Variants in RASA1 observed in about 807,000 individuals in gnomAD.
RASA1 encodes RAS p21 protein activator 1.
Under a neutral mutation model 132.2 loss-of-function variants are expected in RASA1, and 25 were observed. The observed-to-expected ratio is 0.19, with a 90% CI of 0.14 to 0.26. The LOEUF (loss-of-function observed/expected upper bound fraction) is 0.26. RASA1 is among the 10% of genes least tolerant of loss of function. The pLI, the probability that RASA1 is intolerant of heterozygous loss-of-function variation, is 1.00. For missense variants in RASA1, 964 were observed against 1,299.2 expected (o/e 0.74, Z 3.97); for synonymous variants, 477 against 449.9 (o/e 1.06, Z -0.76).
At position 87,329,864 on chromosome 5, in the gene RASA1, G is replaced by T. The variant is rs188097265; in HGVS notation, c.540-1484G>T. Among the ~76,000 whole-genome samples, 419 of 152,134 alleles carry T rather than the reference G, an allele frequency of 2.8e-3. 4 individuals are homozygous for T. The highest frequency in any genetic ancestry group is 4.6e-3 in the Non-Finnish European group (315 of 67,982). On this transcript the variant is annotated intron_variant, in intron 1 of 24. Transcript: ENST00000274376. ...AAATTTCAAAATTTTATTCTCTTAT[G>T]TCGTTAAATTATAGTTCCTTAGGGT...
At position 87,389,741 on chromosome 5, in the gene RASA1, A is replaced by C. The variant is rs72783711; in HGVS notation, c.3060+214A>C. Among the ~76,000 whole-genome samples, 24,460 of 152,240 alleles carry C rather than the reference A, an allele frequency of 0.16. 2,436 individuals carry two copies. The highest frequency in any genetic ancestry group is 0.41 in the East Asian group (2,118 of 5,172). On this transcript the variant is annotated intron_variant, in intron 24 of 24. Transcript: ENST00000274376. The stretch of plus-strand genomic sequence containing the variant: ...TGAAAAACATCAGGTTTTGCTCTTG[A>C]GTCTGAATGTTAATTCTACTGGAAA...
chr5:87,306,298 C>G (rs1435970775), intron 1 of RASA1, among the ~76,000 whole-genome samples: 1 of 152,108 alleles, frequency 6.6e-6, no homozygotes, highest in Non-Finnish European at 1.5e-5. Context: ...TTAAAAAGAA[C>G]AAGATTATGT....
At chr5:87,347,783 A>G (rs1054394019) in intron 7 of RASA1, among the ~76,000 whole-genome samples, 2 of 152,054 alleles carry the variant, frequency 1.3e-5, no homozygotes, top group Non-Finnish European at 1.5e-5. Flanking sequence ...CTAAAATGAC[A>G]TTCTGTCAGC....
chr5:87,285,618 CTTTTTT>C (rs548410947), intron 1 of RASA1, among the ~76,000 whole-genome samples: 1 of 126,074 alleles, frequency 7.9e-6, no homozygotes, highest in African/African-American at 2.9e-5. Flanking sequence ...TTTTCTTTTT[CTTTTTT>C]TTTTTTTTTT....
At chr5:87,276,971 A>C (rs1410196208) in intron 1 of RASA1, among the ~76,000 whole-genome samples, 3 of 152,188 alleles carry the variant, frequency 2.0e-5, no homozygotes, top group Non-Finnish European at 4.4e-5. Context: ...ATACTGTTTC[A>C]CATATATTTA....
At chr5:87,373,247 T>TCAAAAATATTC (rs1761076458) in intron 13 of RASA1, among the ~76,000 whole-genome samples, 1 of 146,874 alleles carries the variant, frequency 6.8e-6, no homozygotes, top group African/African-American at 2.7e-5. Flanking sequence ...CAACCATGGG[T>TCAAAAATATTC]CGAAAAAATA....
In RASA1 at chr5:87,383,797, A is replaced by G; in HGVS notation, c.2758+17A>G. The stretch of plus-strand genomic sequence containing the variant: ...TCATCTCAGGTAATCAGCTTTTGAT[A>G]CATTTTGAAATTCAAAATATTAGAA... On this transcript the variant is annotated intron_variant, in intron 21 of 24. Coordinates refer to ENST00000274376, the MANE Select transcript of RASA1 (RefSeq NM_002890.3). 6.3e-7 allele frequency: 1 copy of G among 1,590,126 alleles called. No homozygotes were observed. The highest frequency in any genetic ancestry group is 8.6e-7 in the Non-Finnish European group (1 of 1,159,666).
chr5:87,337,765 T>C (rs1316760683), intron 4 of RASA1, among the ~76,000 whole-genome samples: 2 of 152,058 alleles, frequency 1.3e-5, no homozygotes, highest in Non-Finnish European at 2.9e-5. Flanking sequence ...ATTTTACTCA[T>C]GAGGTAATTA....
At chr5:87,384,531 T>C (rs1029287113) in intron 21 of RASA1, among the ~76,000 whole-genome samples, 2 of 152,182 alleles carry the variant, frequency 1.3e-5, no homozygotes, top group African/African-American at 4.8e-5. Flanking sequence ...AATTATCTTT[T>C]ATTGCTACTA....
rs1478425280 is a variant in RASA1 at position 87,374,136 on chromosome 5, T to C, written c.1777-27T>C. On this transcript the variant is annotated intron_variant, in intron 13 of 24. Coordinates refer to ENST00000274376, the MANE Select transcript of RASA1 (RefSeq NM_002890.3). ...GCAATTCTAGAAATCTGGGGTAATA[T>C]ATATATATATATTTTTTTTTTTTTA... is the stretch of plus-strand genomic sequence containing the variant. 15 of 1,344,714 alleles carry C rather than the reference T, an allele frequency of 1.1e-5. 1 individual carries two copies. Among genetic ancestry groups the C allele is most frequent in the Non-Finnish European group, 1.5e-5 (15 of 1,033,630 alleles). 83.3% of individuals were successfully genotyped at this position (1,344,714 alleles called of 1,614,324 possible).
intron 1 of RASA1, among the ~76,000 whole-genome samples, chr5:87,276,418 CTA>C (rs1754063445): frequency 2.0e-5 from 3 of 152,240 alleles, no homozygotes; most frequent in Non-Finnish European, 2.9e-5. Flanking sequence ...TTATTGATAA[CTA>C]TGTATGTCTT....
intron 1 of RASA1, among the ~76,000 whole-genome samples, chr5:87,313,319 A>G (rs1756061611): frequency 2.6e-5 from 4 of 152,216 alleles, no homozygotes; most frequent in Admixed American, 2.6e-4. Context: ...CTTGAAGGGA[A>G]GAGTGATAGA....
At chr5:87,274,263 A>G (rs571452132) in intron 1 of RASA1, among the ~76,000 whole-genome samples, 5 of 152,340 alleles carry the variant, frequency 3.3e-5, no homozygotes, top group Admixed American at 1.3e-4. Flanking sequence ...AACTTTAAGG[A>G]AAAGAAAATA....
intron 1 of RASA1, among the ~76,000 whole-genome samples, chr5:87,307,502 C>T (rs1045604345): frequency 6.6e-6 from 1 of 152,052 alleles, no homozygotes; most frequent in African/African-American, 2.4e-5. Context: ...CACAAAACTG[C>T]CTAATCTGCT....
chr5:87,391,019 A>T lies in RASA1; in HGVS notation c.*136A>T. On this transcript the variant is annotated 3_prime_UTR_variant, in exon 25 of 25. Transcript: ENST00000274376. ...CAGTGATGTGTGAGCTATGCAAACA[A>T]AATCCAAGATTCTGCTGGTGAATAA... The T allele has an allele frequency of 3.4e-6, 3 of 870,464 alleles. No individual in the cohort carries two copies. Among genetic ancestry groups the T allele is most frequent in the Non-Finnish European group, 5.7e-6 (3 of 526,444 alleles). 53.9% of individuals were successfully genotyped at this position (870,464 alleles called of 1,614,324 possible).
intron 20 of RASA1, among the ~76,000 whole-genome samples, chr5:87,381,168 C>T (rs189093039): frequency 1.4e-4 from 21 of 152,208 alleles, no homozygotes; most frequent in Non-Finnish European, 2.9e-4. Context: ...TGGGAGCTTA[C>T]GTAAGGTTAC....
At position 87,368,557 on chromosome 5, in the gene RASA1, C is replaced by T. The variant is rs572262130; in HGVS notation, c.1611-1256C>T. ...TTGCGTCCAGAAAGAATTGTTCTTA[C>T]GGATGGTATAGGGTTAGTACATCTT... On this transcript the variant is annotated intron_variant, in intron 11 of 24. Transcript: ENST00000274376. 1.2e-3 allele frequency among the ~76,000 whole-genome samples: 179 copies of T among 152,206 alleles called. 2 individuals carry two copies. Among genetic ancestry groups the T allele is most frequent in the African/African-American group, 4.1e-3 (169 of 41,550 alleles).
chr5:87,379,617 TAC>T (rs1761565495), intron 18 of RASA1, 116 bp from the exon 19 acceptor site: 2 of 1,373,688 alleles, frequency 1.5e-6, no homozygotes, highest in Admixed American at 2.5e-5. Flanking sequence ...AAAAGATCAA[TAC>T]ACACAGAGAT....
chr5:87,269,583 A>G (rs1390142444), intron 1 of RASA1, among the ~76,000 whole-genome samples: 1 of 152,228 alleles, frequency 6.6e-6, no homozygotes, highest in Non-Finnish European at 1.5e-5. Flanking sequence ...GGTGTGATTA[A>G]GAGCCTATAT....
Sources: gnomAD v4.1 joint callset for allele counts (sites outside exome capture counted in the v4.1 genomes callset) on GRCh38, gnomAD v4.1.1 for gene constraint, MANE v1.5 for transcripts, NCBI Gene and HGNC (gene_info 2026-07-23, HGNC 2026-07-21) for gene names.